The following POGZ variants were observed in gnomAD, a reference collection of about 807,000 sequenced individuals.
POGZ encodes the protein pogo transposable element derived with ZNF domain, also known as pogo transposable element with ZNF domain.
In POGZ, 17 loss-of-function variants were observed where a neutral mutation model predicts 134.6. The observed-to-expected ratio is 0.13, with a 90% CI of 0.09 to 0.19. The LOEUF (loss-of-function observed/expected upper bound fraction) is 0.19. POGZ is among the 10% of genes least tolerant of loss of function. POGZ has a pLI of 1.00. For synonymous variants in POGZ, 693 were observed against 657.1 expected, an observed-to-expected ratio of 1.05 and a Z score of -0.84; for missense variants, 1,306 against 1,769.7, an observed-to-expected ratio of 0.74 and a Z score of 4.70.
At position 151,405,756 on chromosome 1, in the gene POGZ, T is replaced by C. The variant is rs567756416; in HGVS notation, c.3279A>G (p.Leu1093=). The change falls in exon 19 of 19, where the codon CTA becomes CTG. Residue 1093 remains leucine, a synonymous_variant. Coordinates refer to ENST00000271715, the MANE Select transcript of POGZ (RefSeq NM_015100.4). The surrounding 1 kb of genome is among the most constrained non-coding windows in gnomAD (Gnocchi z 4.9). ...CTGCATTCTCTGCTACATCCTTAGG[T>C]AGGGTGTGGGCCACAGCTCGCCGGG... ...PHARRAVAHT[L]PKDVAENAGL... is the part of the protein sequence containing the mutation. The C allele has an allele frequency of 6.2e-6, 10 of 1,614,076 alleles. No homozygotes were observed. Among genetic ancestry groups the C allele is most frequent in the Admixed American group, 1.7e-5 (1 of 60,016 alleles).
At chr1:151,433,456 A>C (rs1372376848) in intron 3 of POGZ, among the ~76,000 whole-genome samples, 1 of 152,038 alleles carries the variant, frequency 6.6e-6, no homozygotes, top group African/African-American at 2.4e-5. Flanking sequence ...AAAAATAACA[A>C]AACTAGCCAG....
rs35308281 is a variant in POGZ at position 151,447,642 on chromosome 1, A to AT, written c.-1-5438dup. On this transcript the variant is annotated intron_variant, in intron 1 of 18. Transcript: ENST00000271715. ...AACCAAGAGCCACCATGTCTGGCTA[A>AT]TTTTTTTTTTTTTTTTTTTTTTTTT... Among the ~76,000 whole-genome samples, 472 of 52,982 alleles carry AT rather than the reference A, an allele frequency of 8.9e-3. 14 individuals are homozygous for AT. The highest frequency in any genetic ancestry group is 0.032 in the Admixed American group (123 of 3,816). The allele number at this position is 52,982 out of a possible 152,430, so 34.8% of individuals were successfully genotyped here.
At chr1:151,445,748 T>C (rs1661175683) in intron 1 of POGZ, among the ~76,000 whole-genome samples, 1 of 152,040 alleles carries the variant, frequency 6.6e-6, no homozygotes, top group Admixed American at 6.6e-5. Context: ...TTTTCAAAAC[T>C]GTCCTTGATT....
chr1:151,426,042 C>G (rs1309669419), intron 7 of POGZ: 1 of 152,150 alleles, frequency 6.6e-6, no homozygotes, highest in East Asian at 1.9e-4. Context: ...TGATAGTAGC[C>G]ATCCTAATGG....
chr1:151,421,518 T>TA, intron 10 of POGZ, among the ~76,000 whole-genome samples: 1 of 152,174 alleles, frequency 6.6e-6, no homozygotes. Context: ...CAAAGAGATA[T>TA]AAAAGGAAAG....
At chr1:151,434,948 C>T (rs2102330770) in intron 3 of POGZ, among the ~76,000 whole-genome samples, 2 of 150,860 alleles carry the variant, frequency 1.3e-5, no homozygotes, top group South Asian at 4.2e-4. Flanking sequence ...CTCTGTCACC[C>T]AGGCTGGAAT....
intron 10 of POGZ, among the ~76,000 whole-genome samples, chr1:151,414,365 G>A (rs1271463109): frequency 6.6e-6 from 1 of 152,106 alleles, no homozygotes; most frequent in Non-Finnish European, 1.5e-5. Context: ...TGTTTTCCCT[G>A]GGCAATCTCA....
intron 7 of POGZ, chr1:151,426,882 G>A (rs928575054): frequency 1.3e-5 from 2 of 151,994 alleles, no homozygotes; most frequent in Non-Finnish European, 2.9e-5. Flanking sequence ...TTTTGGACAT[G>A]GATATCTAGT....
intron 4 of POGZ, among the ~76,000 whole-genome samples, chr1:151,430,199 T>A (rs1032715168): frequency 7.2e-5 from 11 of 152,170 alleles, no homozygotes; most frequent in African/African-American, 2.7e-4. Flanking sequence ...GCCTTTAGAA[T>A]CCATATTCAG....
intron 10 of POGZ, among the ~76,000 whole-genome samples, chr1:151,417,285 A>C (rs1006040833): frequency 4.0e-5 from 6 of 149,582 alleles, no homozygotes; most frequent in Non-Finnish European, 8.9e-5. Context: ...GATGGTCTCG[A>C]TATCCTGACC....
intron 10 of POGZ, 105 bp from the exon 11 acceptor site, chr1:151,412,501 A>G: frequency 1.5e-6 from 1 of 661,256 alleles, no homozygotes; most frequent in Non-Finnish European, 2.7e-6. Flanking sequence ...ATTTTCAACA[A>G]TCAGTAAATC....
At chr1:151,434,063 C>CT (rs1389972035) in intron 3 of POGZ, among the ~76,000 whole-genome samples, 1 of 152,096 alleles carries the variant, frequency 6.6e-6, no homozygotes, top group Non-Finnish European at 1.5e-5. Flanking sequence ...AATGTCAGCA[C>CT]TTTGGGAGGC....
rs1046095442 is a variant in POGZ at position 151,428,137 on chromosome 1, G to A, written c.845C>T (p.Thr282Met). Residue 282 changes from threonine (T) to methionine (M), a missense_variant, in exon 6 of 19, where the codon ACG (threonine) becomes ATG (methionine). This residue lies in a region of POGZ where 541 missense variants were observed against 680.5 expected (regional missense o/e 0.80). Coordinates refer to ENST00000271715, the MANE Select transcript of POGZ (RefSeq NM_015100.4). ...VQSPGQSNQT[T>M]NPKLAPSFPS... is the part of the protein sequence containing the mutation. The stretch of plus-strand genomic sequence containing the variant: ...CGAAGCCTTACCTAGCTTGGGATTC[G>A]TGGTCTGGTTTGACTGGCCTGGAGA... 2.5e-6 allele frequency: 4 copies of A among 1,613,958 alleles called. No homozygotes were observed. Among genetic ancestry groups the A allele is most frequent in the East Asian group, 2.2e-5 (1 of 44,900 alleles).
In POGZ at chr1:151,404,469, C is replaced by G; in HGVS notation, c.*333G>C. 1 of 1,018,392 alleles carries G rather than the reference C, an allele frequency of 9.8e-7. No homozygotes were observed. Among genetic ancestry groups the G allele is most frequent in the Non-Finnish European group, 1.2e-6 (1 of 850,734 alleles). 63.1% of individuals were successfully genotyped at this position (1,018,392 alleles called of 1,614,324 possible). On this transcript the variant is annotated 3_prime_UTR_variant, in exon 19 of 19. Transcript: ENST00000271715. The stretch of plus-strand genomic sequence containing the variant: ...AACAAAAAAATTTAACATTTGCCCA[C>G]AAATAATTTTTTTTCTTTTTCTTAA...
intron 10 of POGZ, among the ~76,000 whole-genome samples, chr1:151,415,670 CAAAA>C (rs749459920): frequency 5.5e-5 from 3 of 54,272 alleles, no homozygotes; most frequent in Admixed American, 2.0e-4. Flanking sequence ...GACTCCGTCT[CAAAA>C]AAAAAAAAAA....
At position 151,441,947 on chromosome 1, in the gene POGZ, A is replaced by C. The variant is rs74125972; in HGVS notation, c.124+134T>G. The C allele has an allele frequency of 3.4e-3, 1,989 of 591,944 alleles. 34 individuals carry two copies. In the African/African-American group the frequency reaches 0.034, roughly 10 times the overall value. 36.7% of individuals were successfully genotyped at this position (591,944 alleles called of 1,614,324 possible). A position where few individuals can be genotyped will look rare whatever the true frequency, so the allele number is the denominator to read the frequency against. ...TTCACAGACTAGAGCATGGGAAAAAAGGCAGCACCAGTGAGTGCCACAACG... is the reference window on the plus strand; with the variant it reads ...TTCACAGACTAGAGCATGGGAAAAACGGCAGCACCAGTGAGTGCCACAACG... On this transcript the variant is annotated intron_variant, in intron 2 of 18. Coordinates refer to ENST00000271715, the MANE Select transcript of POGZ (RefSeq NM_015100.4).
intron 15 of POGZ, 52 bp from the exon 16 acceptor site, chr1:151,407,343 A>G: frequency 2.4e-6 from 3 of 1,239,754 alleles, no homozygotes; most frequent in Non-Finnish European, 3.5e-6. Flanking sequence ...TGGCTAAGCT[A>G]GAGATCACCA....
At chr1:151,425,937 C>T (rs1014162157) in intron 7 of POGZ, among the ~76,000 whole-genome samples, 8 of 152,256 alleles carry the variant, frequency 5.3e-5, no homozygotes, top group African/African-American at 1.7e-4. Context: ...CATACTGTTT[C>T]CAAAGTGGCT....
At chr1:151,410,270 TATAA>T (rs919097174) in intron 12 of POGZ, among the ~76,000 whole-genome samples, 25 of 152,374 alleles carry the variant, frequency 1.6e-4, no homozygotes, top group African/African-American at 6.0e-4. Flanking sequence ...CCTCCCTTTT[TATAA>T]ATAAACTTCT....
Sources: allele counts gnomAD v4.1 joint callset (sites outside exome capture counted in the v4.1 genomes callset), GRCh38; gene constraint gnomAD v4.1.1; regional missense constraint gnomAD v4.1.1; non-coding constraint Gnocchi (gnomAD v3.1); transcripts MANE v1.5; gene names NCBI Gene and HGNC (gene_info 2026-07-23, HGNC 2026-07-21).